KSR2: variants seen among roughly 807,000 people sequenced by gnomAD.
KSR2 encodes kinase suppressor of ras 2.
A neutral mutation model predicts 107.8 loss-of-function variants in KSR2; 25 were observed. The ratio of observed to expected loss-of-function variants is 0.23; its 90% CI spans 0.17 to 0.32. KSR2 has a LOEUF of 0.32. Among genes scored for constraint, KSR2 ranks in the 10% least tolerant of loss-of-function variants. The probability of loss-of-function intolerance (pLI) is 1.00; values close to 1 mark genes in which losing one functional copy is unlikely to be tolerated. For missense variants in KSR2, 887 were observed against 1,268.9 expected (o/e 0.70, Z 4.57); for synonymous variants, 480 against 507.0 (o/e 0.95, Z 0.71).
intron 7 of KSR2, among the ~76,000 whole-genome samples, chr12:117,573,755 C>G (rs1879062976): frequency 6.6e-6 from 1 of 152,014 alleles, no homozygotes; most frequent in African/African-American, 2.4e-5. Flanking sequence ...TCTCGAACTC[C>G]TGACCTCAAA....
intron 6 of KSR2, among the ~76,000 whole-genome samples, chr12:117,581,570 A>G (rs185677579): frequency 5.9e-5 from 9 of 152,318 alleles, no homozygotes; most frequent in Non-Finnish European, 1.3e-4. Context: ...TCCAATGGCC[A>G]TGAGCACACT....
intron 1 of KSR2, among the ~76,000 whole-genome samples, chr12:117,865,276 G>A (rs982831182): frequency 6.6e-6 from 1 of 151,810 alleles, no homozygotes; most frequent in African/African-American, 2.4e-5. Context: ...AAATTAGTAG[G>A]GTTTAACTTA....
rs190123727 is a variant in KSR2 at position 117,796,439 on chromosome 12, T to C, written c.473-34915A>G. ...GTTGTCATTACCATCAGCATCACGT[T>C]AGACAAACGTGGAAGGGATATAAGC... On this transcript the variant is annotated intron_variant, in intron 3 of 19. Coordinates refer to ENST00000339824, the MANE Select transcript of KSR2 (RefSeq NM_173598.6). 2.2e-4 allele frequency among the ~76,000 whole-genome samples: 33 copies of C among 152,340 alleles called. No homozygotes were observed. In the South Asian group the frequency reaches 4.1e-3, roughly 19 times the overall value.
At chr12:117,687,604 C>G (rs1799493246) in intron 4 of KSR2, among the ~76,000 whole-genome samples, 1 of 152,128 alleles carries the variant, frequency 6.6e-6, no homozygotes, top group Non-Finnish European at 1.5e-5. Flanking sequence ...GAGCCAATAG[C>G]CTGTACTGCT....
At chr12:117,667,446 C>T (rs1884702653) in intron 5 of KSR2, 28 bp downstream of exon 5, 2 of 1,597,528 alleles carry the variant, frequency 1.3e-6, no homozygotes, top group Non-Finnish European at 1.7e-6. Flanking sequence ...GGCAAGCGTT[C>T]CCAGTGCAGC....
rs1001293667 is a variant in KSR2 at position 117,453,306 on chromosome 12, A to T, written c.*13893T>A. On this transcript the variant is annotated 3_prime_UTR_variant, in exon 20 of 20. Transcript: ENST00000339824. ...TCTGAATAGAGTGTTCCTTCTCAGC[A>T]ACAAGACATTGGCAACAAGTGAGAA... The T allele has an allele frequency of 4.6e-5, 7 of 152,616 alleles. No individual in the cohort carries two copies. The highest frequency in any genetic ancestry group is 1.4e-4 in the African/African-American group (6 of 41,446). 9.5% of individuals were successfully genotyped at this position (152,616 alleles called of 1,614,324 possible). A position where few individuals can be genotyped will look rare whatever the true frequency, so the allele number is the denominator to read the frequency against.
chr12:117,939,963 ACACAC>A (rs1895960733), intron 1 of KSR2, among the ~76,000 whole-genome samples: 1 of 151,588 alleles, frequency 6.6e-6, no homozygotes, highest in Non-Finnish European at 1.5e-5. Flanking sequence ...ACACACACAC[ACACAC>A]ACACACACAC....
chr12:117,739,639 T>C (rs1888096689), intron 4 of KSR2, among the ~76,000 whole-genome samples: 1 of 152,156 alleles, frequency 6.6e-6, no homozygotes, highest in Non-Finnish European at 1.5e-5. Flanking sequence ...AGCATCTGTG[T>C]TTTCACTGAG....
At chr12:117,808,922 C>T (rs537348375) in intron 3 of KSR2, among the ~76,000 whole-genome samples, 3 of 152,296 alleles carry the variant, frequency 2.0e-5, no homozygotes, top group East Asian at 3.9e-4. Context: ...TGCAATCTTA[C>T]ACACCCTCTC....
chr12:117,703,846 A>C (rs1886420188), intron 4 of KSR2, among the ~76,000 whole-genome samples: 1 of 152,158 alleles, frequency 6.6e-6, no homozygotes, highest in South Asian at 2.1e-4. Context: ...TGAGCCCTGA[A>C]ATTACCCCCT....
chr12:117,871,418 G>A (rs539940963), intron 1 of KSR2, among the ~76,000 whole-genome samples: 8 of 152,130 alleles, frequency 5.3e-5, no homozygotes, highest in South Asian at 4.2e-4. Context: ...GTGAAACCCC[G>A]TCACTACTAA....
chr12:117,485,730 T>C, intron 14 of KSR2, 39 bp from the exon 15 acceptor site: 4 of 1,436,416 alleles, frequency 2.8e-6, no homozygotes, highest in Non-Finnish European at 3.9e-6. Context: ...ATGGCAGTCG[T>C]TCAGAAGAAG....
intron 14 of KSR2, among the ~76,000 whole-genome samples, chr12:117,500,083 G>C (rs1006926278): frequency 1.3e-5 from 2 of 152,190 alleles, no homozygotes; most frequent in Non-Finnish European, 2.9e-5. Context: ...AGGGGAGGCT[G>C]GGAAGTTATC....
At position 117,968,308 on chromosome 12, in the gene KSR2, G is replaced by GGT. The variant is rs1555262348; in HGVS notation, c.-54_-53insAC. On this transcript the variant is annotated 5_prime_UTR_variant, in exon 1 of 20. Coordinates refer to ENST00000339824, the MANE Select transcript of KSR2 (RefSeq NM_173598.6). ...CTCCTCCTCCCAGAGAGAAAAAAGA[G>GGT]GGGGGGGAGTAGAGGTAGTCTACCC... The GGT allele has an allele frequency of 3.4e-6, 5 of 1,453,220 alleles. No individual in the cohort carries two copies. The highest frequency in any genetic ancestry group is 1.4e-5 in the African/African-American group (1 of 69,188). 90.0% of individuals were successfully genotyped at this position (1,453,220 alleles called of 1,614,324 possible). A position where few individuals can be genotyped will look rare whatever the true frequency, so the allele number is the denominator to read the frequency against.
At chr12:117,878,972 C>T (rs1313742936) in intron 1 of KSR2, among the ~76,000 whole-genome samples, 5 of 152,158 alleles carry the variant, frequency 3.3e-5, no homozygotes, top group African/African-American at 4.8e-5. Context: ...TGCATCCTAT[C>T]GGGGTCGTGG....
At chr12:117,760,515 C>T (rs375223035) in intron 4 of KSR2, among the ~76,000 whole-genome samples, 140 of 152,166 alleles carry the variant, frequency 9.2e-4, no homozygotes, top group African/African-American at 3.2e-3. Context: ...TCACTTGTTC[C>T]TTTTCATTCT....
Position 117,539,758 on chromosome 12 carries a change from G to A in KSR2, c.1648C>T (p.Pro550Ser). The change falls in exon 10 of 20, where the codon CCA (proline) becomes TCA (serine). Residue 550 changes from proline to serine, a missense_variant. Around this residue, in one of 8 missense-constraint regions of KSR2, gnomAD observed 50 missense variants for 43.4 expected, o/e 1.15. Transcript: ENST00000339824. ...ATPPSPLHPSPQCTRQQKNFN... is the reference protein window; with the variant it reads ...ATPPSPLHPSSQCTRQQKNFN... ...TTCTTCTGCTGCCGTGTGCACTGTG[G>A]GGAAGGGTGTAGGGGAGAAGGCGGC... The A allele has an allele frequency of 1.2e-6, 2 of 1,608,060 alleles. No homozygotes were observed. The highest frequency in any genetic ancestry group is 1.7e-6 in the Non-Finnish European group (2 of 1,177,910).
chr12:117,830,136 T>A (rs546977640), intron 3 of KSR2, among the ~76,000 whole-genome samples: 1 of 151,982 alleles, frequency 6.6e-6, no homozygotes, highest in African/African-American at 2.4e-5. Context: ...GGCATGGTGG[T>A]GCATGCCTGT....
chr12:117,956,787 T>TA (rs1412724744), intron 1 of KSR2, among the ~76,000 whole-genome samples: 5 of 152,078 alleles, frequency 3.3e-5, no homozygotes, highest in Non-Finnish European at 5.9e-5. Context: ...TTTTAATTTT[T>TA]AAAAAAAGTT....
Sources: allele counts gnomAD v4.1 joint callset (sites outside exome capture counted in the v4.1 genomes callset), GRCh38; gene constraint gnomAD v4.1.1; regional missense constraint gnomAD v4.1.1; transcripts MANE v1.5; gene names NCBI Gene and HGNC (gene_info 2026-07-23, HGNC 2026-07-21).